Variants in RFC1 observed in about 807,000 individuals in gnomAD.
The protein encoded by RFC1 is A1 140 kDa subunit.
In RFC1, 37 loss-of-function variants were observed where a neutral mutation model predicts 137.4. That is an observed-to-expected ratio of 0.27 (90% CI 0.21 to 0.35). The LOEUF is 0.35. Among genes scored for constraint, RFC1 ranks in the 10% least tolerant of loss-of-function variants. The pLI is 1.00. For missense variants in RFC1, 1,205 were observed against 1,358.5 expected (o/e 0.89, Z 1.78); for synonymous variants, 429 against 455.7 (o/e 0.94, Z 0.75).
intron 6 of RFC1, 56 bp from the exon 7 acceptor site, chr4:39,323,473 A>G (rs1739621517): frequency 5.8e-6 from 8 of 1,380,174 alleles, no homozygotes; most frequent in African/African-American, 1.4e-5. Context: ...TCGTAAATAG[A>G]ATTTTTAAAT....
intron 9 of RFC1, 47 bp from the exon 10 acceptor site, chr4:39,317,069 T>C (rs765804445): frequency 1.6e-6 from 2 of 1,226,060 alleles, no homozygotes; most frequent in African/African-American, 1.5e-5. Flanking sequence ...ACAGAATTCA[T>C]GCAAAATTTA....
At chr4:39,363,371 C>T (rs1020858066) in intron 1 of RFC1, among the ~76,000 whole-genome samples, 11 of 152,176 alleles carry the variant, frequency 7.2e-5, no homozygotes, top group African/African-American at 2.7e-4. Flanking sequence ...CTGGAGGCAA[C>T]AAATGTTATC....
intron 14 of RFC1, 92 bp from the exon 15 acceptor site, chr4:39,305,020 CAAAATTAATATA>C: frequency 1.3e-6 from 1 of 770,040 alleles, no homozygotes; most frequent in Non-Finnish European, 2.3e-6. Flanking sequence ...AAAGAAGGTA[CAAAATTAATATA>C]AAAACCCATA....
Position 39,323,324 on chromosome 4 carries a change from C to G in RFC1, c.720+16G>C. ...TACTGTATATTCAGAACGCAAATAG[C>G]CCAACATTATGCCACCTTTTTGGTC... On this transcript the variant is annotated intron_variant, in intron 7 of 24. Coordinates refer to ENST00000349703, the MANE Select transcript of RFC1 (RefSeq NM_002913.5). 1 of 1,612,638 alleles carries G rather than the reference C, an allele frequency of 6.2e-7. No homozygotes were observed. Among genetic ancestry groups the G allele is most frequent in the Non-Finnish European group, 8.5e-7 (1 of 1,178,756 alleles).
intron 1 of RFC1, among the ~76,000 whole-genome samples, chr4:39,354,599 A>C (rs1741366038): frequency 6.6e-6 from 1 of 152,068 alleles, no homozygotes; most frequent in African/African-American, 2.4e-5. Flanking sequence ...TTACTACACA[A>C]AAAGTGCCAT....
chr4:39,289,321 T>C (rs1737539979), intron 24 of RFC1, among the ~76,000 whole-genome samples: 1 of 152,142 alleles, frequency 6.6e-6, no homozygotes, highest in African/African-American at 2.4e-5. Flanking sequence ...TTCCTACTCC[T>C]GCATACAGAA....
intron 1 of RFC1, among the ~76,000 whole-genome samples, chr4:39,359,821 C>CAA (rs1220382587): frequency 3.1e-4 from 22 of 70,556 alleles, no homozygotes; most frequent in Admixed American, 1.0e-3. Context: ...GACTCTGTCT[C>CAA]AAAAAAAAAA....
intron 1 of RFC1, among the ~76,000 whole-genome samples, chr4:39,362,682 A>G (rs1032812178): frequency 6.6e-6 from 1 of 152,260 alleles, no homozygotes; most frequent in Non-Finnish European, 1.5e-5. Context: ...TAAAACTACA[A>G]AGCTCTTAAG....
chr4:39,323,034 C>T (rs184554951), intron 7 of RFC1, among the ~76,000 whole-genome samples: 147 of 152,036 alleles, frequency 9.7e-4, no homozygotes, highest in African/African-American at 3.4e-3. Context: ...GCACTGAGCC[C>T]AGATCAGGCC....
At chr4:39,289,708 C>T in intron 24 of RFC1, 140 bp downstream of exon 24, 1 of 628,102 alleles carries the variant, frequency 1.6e-6, no homozygotes, top group Non-Finnish European at 2.8e-6. Flanking sequence ...CTACCTTCTC[C>T]ACCCTCAACC....
intron 1 of RFC1, chr4:39,365,357 A>T: frequency 1.7e-6 from 1 of 588,976 alleles, no homozygotes; most frequent in Non-Finnish European, 2.1e-6. Context: ...TTGACCAATG[A>T]TTGAAAAAAA....
chr4:39,337,131 T>C lies in RFC1; in HGVS notation c.331+5214A>G, dbSNP rs574752837. Among the ~76,000 whole-genome samples the C allele has an allele frequency of 2.4e-4, 37 of 152,230 alleles. 1 individual carries two copies. In the South Asian group the frequency reaches 7.5e-3, roughly 31 times the overall value. On this transcript the variant is annotated intron_variant, in intron 4 of 24. Transcript: ENST00000349703. ...GGCTCACGCCTATAATCCCAGCACTTTGGGAGGCCGAGGCAGGCGGATCAC... is the reference window on the plus strand; with the variant it reads ...GGCTCACGCCTATAATCCCAGCACTCTGGGAGGCCGAGGCAGGCGGATCAC...
chr4:39,348,439 G>GAAAAGAAAAGAAAAGAA (rs1383982648), intron 2 of RFC1, among the ~76,000 whole-genome samples: 20 of 107,624 alleles, frequency 1.9e-4, no homozygotes, highest in African/African-American at 6.3e-4. Context: ...GAAAAGAAAA[G>GAAAAGAAAAGAAAAGAA]AAAAGAAAAG....
intron 19 of RFC1, among the ~76,000 whole-genome samples, 163 bp downstream of exon 19, chr4:39,302,115 T>G (rs952822801): frequency 5.3e-5 from 8 of 152,202 alleles, no homozygotes; most frequent in Non-Finnish European, 1.0e-4. Context: ...AAAAAATCAT[T>G]TGAATTAGAA....
chr4:39,297,573 G>A (rs1353034633), intron 21 of RFC1: 1 of 152,050 alleles, frequency 6.6e-6, no homozygotes, highest in African/African-American at 2.4e-5. Context: ...TAGGTATGCG[G>A]CGTTATTTCT....
intron 1 of RFC1, chr4:39,356,018 A>C (rs1170424179): frequency 6.6e-6 from 1 of 150,720 alleles, no homozygotes; most frequent in Non-Finnish European, 1.5e-5. Context: ...AAAAAAAAAA[A>C]CACTGGTATA....
intron 2 of RFC1, among the ~76,000 whole-genome samples, chr4:39,348,434 GAAAA>G (rs1740988887): frequency 3.5e-5 from 3 of 86,914 alleles, no homozygotes; most frequent in East Asian, 3.1e-4. Context: ...AAAAAGAAAA[GAAAA>G]GAAAAGAAAA....
chr4:39,321,194 C>T (rs2109669058), intron 8 of RFC1, 93 bp downstream of exon 8: 1 of 971,634 alleles, frequency 1.0e-6, no homozygotes, highest in Non-Finnish European at 1.6e-6. Flanking sequence ...CCTAACAATA[C>T]ATAATTACTG....
intron 1 of RFC1, among the ~76,000 whole-genome samples, chr4:39,353,584 G>C (rs1415828907): frequency 2.0e-5 from 3 of 151,958 alleles, no homozygotes; most frequent in East Asian, 1.9e-4. Context: ...AAGAGGAGAA[G>C]AACAATAAAG....
Sources: gnomAD v4.1 joint callset for allele counts (sites outside exome capture counted in the v4.1 genomes callset) on GRCh38, gnomAD v4.1.1 for gene constraint, MANE v1.5 for transcripts, NCBI Gene and HGNC (gene_info 2026-07-23, HGNC 2026-07-21) for gene names.